Variants in FBRSL1 observed in about 807,000 individuals in gnomAD.
FBRSL1 encodes the protein fibrosin like 1, also known as fibrosin-1-like protein.
A neutral mutation model predicts 89.6 loss-of-function variants in FBRSL1; 51 were observed. The observed-to-expected ratio is 0.57, with a 90% CI of 0.45 to 0.72. The LOEUF is 0.72. FBRSL1 is among the 30% of genes least tolerant of loss of function. The pLI is 0.00. For synonymous variants in FBRSL1, 779 were observed against 681.1 expected, an observed-to-expected ratio of 1.14 and a Z score of -2.24; for missense variants, 1,618 against 1,451.8, an observed-to-expected ratio of 1.11 and a Z score of -1.86.
At position 132,571,243 on chromosome 12, in the gene FBRSL1, C is replaced by T; in HGVS notation, c.1377+12C>T. The T allele has an allele frequency of 1.4e-6, 2 of 1,473,286 alleles. No homozygotes were observed. Among genetic ancestry groups the T allele is most frequent in the South Asian group, 1.4e-5 (1 of 72,828 alleles). The allele number at this position is 1,473,286 out of a possible 1,614,324, so 91.3% of individuals were successfully genotyped here. ...CCCGGGAGTGCCAGGTGACTATCCG[C>T]CTCGCCCCGCCGGGAGCCCGCGGCC... is the stretch of plus-strand genomic sequence containing the variant. On this transcript the variant is annotated intron_variant, in intron 9 of 18. Transcript: ENST00000680143.
At chr12:132,509,566 C>T in intron 2 of FBRSL1, 1 of 1,232,404 alleles carries the variant, frequency 8.1e-7, no homozygotes, top group Non-Finnish European at 1.0e-6. Context: ...TCCCTGCTGA[C>T]CCCGTGTCAC....
At chr12:132,534,100 A>T (rs1366662862) in intron 4 of FBRSL1, among the ~76,000 whole-genome samples, 1 of 152,152 alleles carries the variant, frequency 6.6e-6, no homozygotes, top group Non-Finnish European at 1.5e-5. Context: ...CAGTGCTGAG[A>T]GGGGCAGGGT....
At chr12:132,515,182 C>T (rs1405134137) in intron 2 of FBRSL1, among the ~76,000 whole-genome samples, 1 of 152,206 alleles carries the variant, frequency 6.6e-6, no homozygotes, top group Non-Finnish European at 1.5e-5. Context: ...CCAGAGTGTC[C>T]TGCCGAGACC....
chr12:132,502,019 T>G (rs1432688634), intron 1 of FBRSL1, among the ~76,000 whole-genome samples: 1 of 152,212 alleles, frequency 6.6e-6, no homozygotes. Flanking sequence ...TGTGAGGAAG[T>G]CTGTTTGTAC....
Position 132,490,485 on chromosome 12 carries a change from G to T in FBRSL1, c.-86G>T. 2 of 907,562 alleles carry T rather than the reference G, an allele frequency of 2.2e-6. No individual in the cohort carries two copies. Among genetic ancestry groups the T allele is most frequent in the Non-Finnish European group, 2.6e-6 (2 of 763,468 alleles). The allele number at this position is 907,562 out of a possible 1,614,324, so 56.2% of individuals were successfully genotyped here. A position where few individuals can be genotyped will look rare whatever the true frequency, so the allele number is the denominator to read the frequency against. ...CCGCGCGGCGCACACTCAGCCCGGC[G>T]GCGCCGCGTAGCCGAGGGAGCCCGC... On this transcript the variant is annotated 5_prime_UTR_variant, in exon 1 of 19. Coordinates refer to ENST00000680143, the MANE Select transcript of FBRSL1 (RefSeq NM_001367871.1).
chr12:132,515,101 C>T (rs1431500171), intron 2 of FBRSL1, among the ~76,000 whole-genome samples: 1 of 152,114 alleles, frequency 6.6e-6, no homozygotes, highest in Non-Finnish European at 1.5e-5. Flanking sequence ...TGTTCCCAGG[C>T]GCCTGCTGTC....
At chr12:132,543,830 C>T (rs914403796) in intron 4 of FBRSL1, among the ~76,000 whole-genome samples, 1 of 152,204 alleles carries the variant, frequency 6.6e-6, no homozygotes. Flanking sequence ...CCTGTGCTTC[C>T]GAGCCCCACT....
intron 4 of FBRSL1, among the ~76,000 whole-genome samples, chr12:132,539,317 C>T (rs562293170): frequency 2.4e-4 from 37 of 151,036 alleles, no homozygotes; most frequent in African/African-American, 7.5e-4. Context: ...CCCTCCAGCC[C>T]GATGCCCACC....
intron 4 of FBRSL1, 62 bp downstream of exon 4, chr12:132,528,050 A>G (rs1202145863): frequency 6.9e-7 from 1 of 1,447,392 alleles, no homozygotes; most frequent in Non-Finnish European, 9.5e-7. Flanking sequence ...CCAGGTCCCC[A>G]CCTCACCTGT....
rs774632428 is a variant in FBRSL1, at chr12:132,508,201, C to A, written c.340C>A (p.Arg114Ser). Residue 114 changes from arginine to serine, a missense_variant, in exon 2 of 19, where the codon CGT (arginine) becomes AGT (serine). Physicochemically the swap from Arg to Ser is moderately radical, Grantham distance 110. Coordinates refer to ENST00000680143, the MANE Select transcript of FBRSL1 (RefSeq NM_001367871.1). ...TGAGCGGAAGGAGAAGTGGGAGCGT[C>A]GTCTCATCAAGAAGCCCCGGGAGTC... ...PHERKEKWERRLIKKPRESET... is the reference protein window; with the variant it reads ...PHERKEKWERSLIKKPRESET... 1 of 1,551,218 alleles carries A rather than the reference C, an allele frequency of 6.4e-7. No homozygotes were observed. Among genetic ancestry groups the A allele is most frequent in the Non-Finnish European group, 8.7e-7 (1 of 1,146,946 alleles).
At chr12:132,510,733 C>G (rs2034238156) in intron 2 of FBRSL1, 2 of 1,206,590 alleles carry the variant, frequency 1.7e-6, no homozygotes, top group Non-Finnish European at 2.1e-6. Flanking sequence ...TCTCCCCCCA[C>G]TGGCGTCACA....
rs1293981471 is a variant in FBRSL1 at position 132,583,146 on chromosome 12, G to A, written c.2377G>A (p.Ala793Thr). 2 of 1,465,494 alleles carry A rather than the reference G, an allele frequency of 1.4e-6. No individual in the cohort carries two copies. The highest frequency in any genetic ancestry group is 1.5e-5 in the African/African-American group (1 of 67,772). The allele number at this position is 1,465,494 out of a possible 1,614,324, so 90.8% of individuals were successfully genotyped here. Reference protein sequence around the residue: ...KESRSPAKEEAAKMPARASPP... With the variant: ...KESRSPAKEETAKMPARASPP... ...GAGCCGCTCCCCGGCCAAGGAGGAG[G>A]CCGCCAAGATGCCCGCGCGCGCATC... Residue 793 changes from alanine to threonine, a missense_variant, in exon 19 of 19, where the codon GCC becomes ACC. Ala to Thr is a moderately conservative substitution (Grantham distance 58). Coordinates refer to ENST00000680143, the MANE Select transcript of FBRSL1 (RefSeq NM_001367871.1).
rs551864213 is a variant in FBRSL1 at position 132,527,848 on chromosome 12, G to A, written c.580-105G>A. On this transcript the variant is annotated intron_variant, in intron 3 of 18. Coordinates refer to ENST00000680143, the MANE Select transcript of FBRSL1 (RefSeq NM_001367871.1). ...GCAGGGCTGTGAGCTGCAGGGCTGC[G>A]GGGCAGGGCTAAGGGCTGAGGGCTG... 18 of 1,080,428 alleles carry A rather than the reference G, an allele frequency of 1.7e-5. 1 individual carries two copies. Among genetic ancestry groups the A allele is most frequent in the Admixed American group, 1.6e-4 (8 of 50,160 alleles). 66.9% of individuals were successfully genotyped at this position (1,080,428 alleles called of 1,614,324 possible).
At chr12:132,493,090 T>A (rs771827350) in intron 1 of FBRSL1, among the ~76,000 whole-genome samples, 171 of 152,304 alleles carry the variant, frequency 1.1e-3, no homozygotes, top group Non-Finnish European at 1.9e-3. Flanking sequence ...ACCTTGAGGC[T>A]CCCCATTGAG....
rs1315149547 is a variant in FBRSL1, at chr12:132,581,832, A to T, written c.1996+8A>T. 4 of 1,537,056 alleles carry T rather than the reference A, an allele frequency of 2.6e-6. No individual in the cohort carries two copies. The East Asian group carries it at 7.4e-5, about 28-fold the overall frequency. ...TGGGCAGCCATGCACTGGGTGAGTG[A>T]CCCAGCCTGTGCCCCCCTCCCCCGA... On this transcript the variant is annotated splice_region_variant and intron_variant, in intron 17 of 18. Transcript: ENST00000680143.
chr12:132,502,728 G>T (rs1162869694), intron 1 of FBRSL1, among the ~76,000 whole-genome samples: 8 of 119,880 alleles, frequency 6.7e-5, no homozygotes, highest in African/African-American at 2.7e-4. Context: ...CCTCGAGCCC[G>T]CTATCCCCAT....
intron 4 of FBRSL1, among the ~76,000 whole-genome samples, chr12:132,535,032 C>T (rs894398358): frequency 9.8e-5 from 15 of 152,354 alleles, no homozygotes; most frequent in Admixed American, 2.6e-4. Flanking sequence ...AAGGTGGCGG[C>T]GCACAGCCCT....
intron 2 of FBRSL1, among the ~76,000 whole-genome samples, chr12:132,514,928 C>CT (rs569869056): frequency 2.6e-5 from 4 of 152,052 alleles, no homozygotes; most frequent in South Asian, 2.1e-4. Context: ...CTTTTTTACT[C>CT]TTTTTTTTGT....
chr12:132,574,108 G>A lies in FBRSL1; in HGVS notation c.1549G>A (p.Val517Met). The change falls in exon 12 of 19, where the codon GTG becomes ATG. Residue 517 changes from valine (V) to methionine (M), a missense_variant. Coordinates refer to ENST00000680143, the MANE Select transcript of FBRSL1 (RefSeq NM_001367871.1). ...FQPKTSSPIEVARRAGAVHTL... is the reference protein window; with the variant it reads ...FQPKTSSPIEMARRAGAVHTL... ...CCCTCAGACTTCAAGCCCCATTGAG[G>A]TGGCCCGCCGGGCTGGTGCGGTTCA... The A allele has an allele frequency of 7.4e-7, 1 of 1,351,818 alleles. No homozygotes were observed. Among genetic ancestry groups the A allele is most frequent in the Non-Finnish European group, 9.5e-7 (1 of 1,056,778 alleles). 83.7% of individuals were successfully genotyped at this position (1,351,818 alleles called of 1,614,324 possible). A position where few individuals can be genotyped will look rare whatever the true frequency, so the allele number is the denominator to read the frequency against.
Sources: gnomAD v4.1 joint callset for allele counts (sites outside exome capture counted in the v4.1 genomes callset) on GRCh38, gnomAD v4.1.1 for gene constraint, MANE v1.5 for transcripts, NCBI Gene and HGNC (gene_info 2026-07-23, HGNC 2026-07-21) for gene names.